The following MAP4K3 variants were observed in gnomAD, a reference collection of about 807,000 sequenced individuals.
The protein encoded by MAP4K3 is mitogen-activated protein kinase kinase kinase kinase 3, also known as MAPK/ERK kinase kinase kinase 3.
In MAP4K3, 94 loss-of-function variants were observed where a neutral mutation model predicts 143.5. The observed-to-expected ratio is 0.65, with a 90% confidence interval of 0.55 to 0.78. The LOEUF (loss-of-function observed/expected upper bound fraction) is 0.78, where lower values mean the gene tolerates loss of function less well. MAP4K3 is among the 30% of genes least tolerant of loss of function. MAP4K3 has a pLI of 0.00. For missense variants in MAP4K3, 1,077 were observed against 1,068.1 expected, an observed-to-expected ratio of 1.01 and a Z score of -0.12; for synonymous variants, 416 against 347.2, an observed-to-expected ratio of 1.20 and a Z score of -2.20.
chr2:39,337,698 T>C (rs1278520155), intron 4 of MAP4K3, 117 bp from the exon 5 acceptor site: 3 of 583,734 alleles, frequency 5.1e-6, no homozygotes, highest in African/African-American at 1.9e-5. Context: ...TCTACTGAAA[T>C]GTAAGCTAGG....
intron 2 of MAP4K3, among the ~76,000 whole-genome samples, chr2:39,368,244 G>A (rs1161088873): frequency 6.6e-6 from 1 of 152,126 alleles, no homozygotes; most frequent in African/African-American, 2.4e-5. Flanking sequence ...CTCAAAAAAT[G>A]TTTCTGGAGT....
At chr2:39,415,936 G>A (rs1300606163) in intron 1 of MAP4K3, among the ~76,000 whole-genome samples, 1 of 93,064 alleles carries the variant, frequency 1.1e-5, no homozygotes, top group Non-Finnish European at 2.0e-5. Flanking sequence ...CTGGGCGAGA[G>A]AGCAAGGCTC....
At chr2:39,418,514 T>C (rs72931122) in intron 1 of MAP4K3, among the ~76,000 whole-genome samples, 14,096 of 152,134 alleles carry the variant, frequency 0.093, 2,233 homozygotes, top group African/African-American at 0.32. Context: ...GTTTAGTGAC[T>C]TGCTTCCAAA....
intron 12 of MAP4K3, among the ~76,000 whole-genome samples, chr2:39,317,168 G>A (rs1573140100): frequency 6.6e-6 from 1 of 151,758 alleles, no homozygotes; most frequent in African/African-American, 2.4e-5. Flanking sequence ...GGGAGAGAAC[G>A]CCCCATTCAA....
intron 13 of MAP4K3, among the ~76,000 whole-genome samples, chr2:39,310,017 T>C (rs968529550): frequency 6.6e-6 from 1 of 152,196 alleles, no homozygotes; most frequent in African/African-American, 2.4e-5. Context: ...TTCATGGTGG[T>C]ATATGCGATA....
chr2:39,320,062 A>T (rs376889592), intron 12 of MAP4K3, among the ~76,000 whole-genome samples: 1 of 152,098 alleles, frequency 6.6e-6, no homozygotes, highest in East Asian at 1.9e-4. Flanking sequence ...ATCTTCTCTG[A>T]CTTCCCTAAC....
intron 3 of MAP4K3, among the ~76,000 whole-genome samples, chr2:39,354,173 G>C (rs1001949544): frequency 6.6e-6 from 1 of 152,130 alleles, no homozygotes; most frequent in Non-Finnish European, 1.5e-5. Flanking sequence ...GCCAGGCACA[G>C]TGGCTCACGC....
chr2:39,389,895 C>A (rs1395988360), intron 1 of MAP4K3, among the ~76,000 whole-genome samples: 2 of 152,036 alleles, frequency 1.3e-5, no homozygotes, highest in Non-Finnish European at 2.9e-5. Context: ...AATGTCTATG[C>A]AATTTTTAAA....
At chr2:39,381,957 A>G (rs2148585121) in intron 1 of MAP4K3, among the ~76,000 whole-genome samples, 1 of 152,252 alleles carries the variant, frequency 6.6e-6, no homozygotes, top group South Asian at 2.1e-4. Flanking sequence ...ACATACTCCC[A>G]TAGGTTCTGG....
intron 26 of MAP4K3, among the ~76,000 whole-genome samples, chr2:39,270,469 G>A (rs979257806): frequency 2.9e-4 from 44 of 152,174 alleles, no homozygotes; most frequent in Non-Finnish European, 2.9e-5. Flanking sequence ...GCCCAATAAT[G>A]ATGACAAAAG....
chr2:39,342,140 A>G (rs866334004), intron 4 of MAP4K3, among the ~76,000 whole-genome samples: 3 of 127,318 alleles, frequency 2.4e-5, no homozygotes, highest in East Asian at 2.1e-4. Context: ...TATTATTATT[A>G]TTATTATTAT....
intron 3 of MAP4K3, among the ~76,000 whole-genome samples, chr2:39,355,892 G>C (rs1382358394): frequency 6.6e-6 from 1 of 152,142 alleles, no homozygotes; most frequent in Non-Finnish European, 1.5e-5. Flanking sequence ...AAAAGTTTTT[G>C]ATAAACACAT....
At chr2:39,398,312 A>G (rs1666864365) in intron 1 of MAP4K3, among the ~76,000 whole-genome samples, 1 of 152,118 alleles carries the variant, frequency 6.6e-6, no homozygotes, top group South Asian at 2.1e-4. Flanking sequence ...AAAAAAAAAG[A>G]TAAGGAAGGT....
intron 1 of MAP4K3, among the ~76,000 whole-genome samples, chr2:39,434,348 G>C (rs756946338): frequency 2.6e-5 from 4 of 152,066 alleles, no homozygotes; most frequent in Non-Finnish European, 4.4e-5. Flanking sequence ...ACATAAACAA[G>C]AGTTTGGCAG....
intron 2 of MAP4K3, among the ~76,000 whole-genome samples, chr2:39,370,862 TA>T (rs1271542950): frequency 6.6e-6 from 1 of 152,222 alleles, no homozygotes; most frequent in African/African-American, 2.4e-5. Context: ...AAGTAACTTT[TA>T]AATTCTGACT....
chr2:39,426,752 C>T (rs1056810964), intron 1 of MAP4K3, among the ~76,000 whole-genome samples: 3 of 151,754 alleles, frequency 2.0e-5, no homozygotes, highest in Admixed American at 6.6e-5. Flanking sequence ...AAGTTTCAAA[C>T]AGCAGATTAG....
intron 3 of MAP4K3, among the ~76,000 whole-genome samples, chr2:39,351,940 G>A (rs953481166): frequency 6.6e-6 from 1 of 152,018 alleles, no homozygotes; most frequent in Non-Finnish European, 1.5e-5. Context: ...CAAATTGCTG[G>A]GATTACAGGC....
At chr2:39,276,269 A>T (rs556378280) in intron 24 of MAP4K3, among the ~76,000 whole-genome samples, 253 of 152,350 alleles carry the variant, frequency 1.7e-3, no homozygotes, top group African/African-American at 5.8e-3. Context: ...TTCTCTTCAA[A>T]TCAACACATC....
chr2:39,251,877 T>C lies in MAP4K3; in HGVS notation c.2550A>G (p.Gln850=). 1 of 1,612,988 alleles carries C rather than the reference T, an allele frequency of 6.2e-7. No homozygotes were observed. Among genetic ancestry groups the C allele is most frequent in the African/African-American group, 1.3e-5 (1 of 75,044 alleles). The change falls in exon 33 of 34, where the codon CAA becomes CAG. Residue 850 remains glutamine, a synonymous_variant. Coordinates refer to ENST00000263881, the MANE Select transcript of MAP4K3 (RefSeq NM_003618.4). ...AAATTCTTGTGCTATCTGAAATTTCTTGTGTTACCTGTTCAATTAAAACAC... is the reference window on the plus strand; with the variant it reads ...AAATTCTTGTGCTATCTGAAATTTCCTGTGTTACCTGTTCAATTAAAACAC... ...GRSFRSNEVT[Q]EISDSTRIFR...
Sources: allele counts gnomAD v4.1 joint callset (sites outside exome capture counted in the v4.1 genomes callset), GRCh38; gene constraint gnomAD v4.1.1; transcripts MANE v1.5; gene names NCBI Gene and HGNC (gene_info 2026-07-23, HGNC 2026-07-21).